Variants in PTBP2 observed in about 807,000 individuals in gnomAD.
PTBP2 encodes the protein polypyrimidine tract-binding protein 2.
In PTBP2, 13 loss-of-function variants were observed where a neutral mutation model predicts 61.4. The observed-to-expected ratio is 0.21, with a 90% confidence interval of 0.14 to 0.34. The LOEUF is 0.34. Among genes scored for constraint, PTBP2 ranks in the 10% least tolerant of loss-of-function variants. The pLI, the probability that PTBP2 is intolerant of heterozygous loss-of-function variation, is 1.00. For missense variants in PTBP2, 405 were observed against 642.6 expected (o/e 0.63, Z 4.00); for synonymous variants, 215 against 218.5 (o/e 0.98, Z 0.14).
rs540439062 is a variant in PTBP2 at position 96,721,843 on chromosome 1, C to A, written c.-22C>A. 1.3e-6 allele frequency: 2 copies of A among 1,563,716 alleles called. No individual in the cohort carries two copies. Among genetic ancestry groups the A allele is most frequent in the African/African-American group, 1.4e-5 (1 of 73,966 alleles). On this transcript the variant is annotated 5_prime_UTR_variant, in exon 1 of 14. Transcript: ENST00000674951. ...GGCTGCGTGGCTCGGTTCTTGTGAG[C>A]GAAGCTTTGTCCGGTTCGGCAATGG...
At chr1:96,773,124 A>T (rs1187116369) in intron 5 of PTBP2, among the ~76,000 whole-genome samples, 4 of 25,806 alleles carry the variant, frequency 1.6e-4, no homozygotes, top group African/African-American at 4.6e-4. Context: ...ACTCTATCTC[A>T]AAAAAAAAAA....
chr1:96,754,448 A>G (rs771985122), intron 3 of PTBP2, among the ~76,000 whole-genome samples: 22 of 152,174 alleles, frequency 1.4e-4, no homozygotes, highest in Non-Finnish European at 2.9e-4. Flanking sequence ...AGGTTCTTAT[A>G]TTTTACCTGA....
At position 96,779,309 on chromosome 1, in the gene PTBP2, C is replaced by G. The variant is rs72721981; in HGVS notation, c.708+1363C>G. Among the ~76,000 whole-genome samples the G allele has an allele frequency of 6.6e-5, 10 of 152,140 alleles. No homozygotes were observed. In the Middle Eastern group the frequency reaches 0.01, roughly 155 times the overall value. On this transcript the variant is annotated intron_variant, in intron 7 of 13. Coordinates refer to ENST00000674951, the MANE Select transcript of PTBP2 (RefSeq NM_021190.4). ...GTTTCTGTGACATTTTTCACAACTT[C>G]AAACGTTTAAATATAGTCTACATTT...
At chr1:96,783,988 TA>T (rs1357591409) in intron 7 of PTBP2, among the ~76,000 whole-genome samples, 5 of 152,024 alleles carry the variant, frequency 3.3e-5, no homozygotes, top group Admixed American at 6.6e-5. Flanking sequence ...GATTAGTCCA[TA>T]AAAAAATTCG....
intron 3 of PTBP2, among the ~76,000 whole-genome samples, chr1:96,756,616 A>C (rs539702080): frequency 2.6e-5 from 4 of 152,122 alleles, no homozygotes; most frequent in African/African-American, 4.8e-5. Context: ...ATCAGCACTA[A>C]ATGGAAATGA....
chr1:96,820,046 C>T (rs1253261064), downstream of PTBP2: 2 of 151,886 alleles, frequency 1.3e-5, no homozygotes, highest in East Asian at 1.9e-4. Context: ...TATAAATACA[C>T]TTTTACTCTG....
chr1:96,753,299 C>T (rs1257878375), intron 3 of PTBP2, among the ~76,000 whole-genome samples: 1 of 151,948 alleles, frequency 6.6e-6, no homozygotes, highest in Non-Finnish European at 1.5e-5. Flanking sequence ...TTCAAACACT[C>T]CATTTAGACT....
At chr1:96,789,987 T>G (rs1659610915) in intron 8 of PTBP2, among the ~76,000 whole-genome samples, 1 of 152,112 alleles carries the variant, frequency 6.6e-6, no homozygotes, top group Non-Finnish European at 1.5e-5. Flanking sequence ...TGAAAATGCT[T>G]TTAAAGTTTG....
At chr1:96,785,459 G>C (rs1001591226) in intron 8 of PTBP2, among the ~76,000 whole-genome samples, 1 of 152,260 alleles carries the variant, frequency 6.6e-6, no homozygotes, top group South Asian at 2.1e-4. Flanking sequence ...TTATATGTTA[G>C]TTTTGTTCCT....
intron 2 of PTBP2, among the ~76,000 whole-genome samples, chr1:96,726,204 ATATT>A (rs927624197): frequency 2.0e-5 from 3 of 148,424 alleles, no homozygotes; most frequent in Non-Finnish European, 4.5e-5. Flanking sequence ...ATTAATTTAT[ATATT>A]AGCACACATA....
At chr1:96,764,784 T>C (rs1570855257) in intron 3 of PTBP2, among the ~76,000 whole-genome samples, 1 of 152,352 alleles carries the variant, frequency 6.6e-6, no homozygotes, top group East Asian at 1.9e-4. Flanking sequence ...CCTTATTTCA[T>C]AGTGTTACTA....
chr1:96,823,739 AGTTT>A (rs994455213), downstream of PTBP2: 5 of 151,742 alleles, frequency 3.3e-5, no homozygotes, highest in South Asian at 2.1e-4. Flanking sequence ...TTTGTAATTG[AGTTT>A]GTTTTTTTTT....
chr1:96,740,473 A>G (rs888575173), intron 2 of PTBP2, among the ~76,000 whole-genome samples: 1 of 152,284 alleles, frequency 6.6e-6, no homozygotes, highest in Non-Finnish European at 1.5e-5. Context: ...TCCTCCAGTT[A>G]ACTCCTAAAG....
chr1:96,777,869 A>C lies in PTBP2; in HGVS notation c.631A>C (p.Ile211Leu). Reference protein sequence around the residue: ...FSKFGAVLKIITFTKNNQFQA... With the variant: ...FSKFGAVLKILTFTKNNQFQA... The stretch of plus-strand genomic sequence containing the variant: ...TAAGTTTGGTGCTGTATTGAAGATA[A>C]TCACATTTACAAAAAATAACCAGTT... Residue 211 changes from isoleucine (I) to leucine (L), a missense_variant, in exon 7 of 14, where the codon ATC becomes CTC. This residue lies in a region of PTBP2 where 342 missense variants were observed against 491.2 expected (regional missense o/e 0.70). Transcript: ENST00000674951. 1 of 1,589,236 alleles carries C rather than the reference A, an allele frequency of 6.3e-7. No individual in the cohort carries two copies. Among genetic ancestry groups the C allele is most frequent in the Non-Finnish European group, 8.6e-7 (1 of 1,166,234 alleles).
chr1:96,808,548 G>T (rs1421836229), intron 11 of PTBP2, among the ~76,000 whole-genome samples: 1 of 151,982 alleles, frequency 6.6e-6, no homozygotes, highest in African/African-American at 2.4e-5. Flanking sequence ...GTTACATTGG[G>T]GGTTAGGACT....
At chr1:96,759,965 A>G (rs1434652547) in intron 3 of PTBP2, among the ~76,000 whole-genome samples, 1 of 152,206 alleles carries the variant, frequency 6.6e-6, no homozygotes, top group Non-Finnish European at 1.5e-5. Context: ...GGCAAAGAAA[A>G]GAGAGCTTGT....
chr1:96,726,275 CTTTTT>C (rs564018394), intron 2 of PTBP2, among the ~76,000 whole-genome samples: 1 of 125,666 alleles, frequency 8.0e-6, no homozygotes, highest in African/African-American at 2.9e-5. Context: ...CACATCTTGC[CTTTTT>C]TTTTTTTTTT....
At chr1:96,802,628 C>G (rs1445034886) in intron 8 of PTBP2, among the ~76,000 whole-genome samples, 2 of 152,054 alleles carry the variant, frequency 1.3e-5, no homozygotes, top group African/African-American at 4.8e-5. Flanking sequence ...TTTTTGAAAA[C>G]AGACTTTATT....
intron 3 of PTBP2, among the ~76,000 whole-genome samples, chr1:96,753,855 C>CT (rs1409846899): frequency 5.9e-5 from 9 of 152,042 alleles, no homozygotes; most frequent in African/African-American, 2.2e-4. Context: ...TGTTAGTGAA[C>CT]TTGAATACTG....
Sources: gnomAD v4.1 joint callset for allele counts (sites outside exome capture counted in the v4.1 genomes callset) on GRCh38, gnomAD v4.1.1 for gene constraint, gnomAD v4.1.1 regional missense constraint, MANE v1.5 for transcripts, NCBI Gene and HGNC (gene_info 2026-07-23, HGNC 2026-07-21) for gene names.